Variants in HIVEP2 observed in about 807,000 individuals in gnomAD.
HIVEP2 encodes the protein transcription factor HIVEP2.
A neutral mutation model predicts 180.7 loss-of-function variants in HIVEP2; 14 were observed. That is an observed-to-expected ratio of 0.08 (90% CI 0.05 to 0.12). HIVEP2 has a LOEUF of 0.12. Among genes scored for constraint, HIVEP2 ranks in the 10% least tolerant of loss-of-function variants. The pLI is 1.00. For synonymous variants in HIVEP2, 1,184 were observed against 1,136.4 expected (o/e 1.04, Z -0.84); for missense variants, 2,579 against 3,008.5 (o/e 0.86, Z 3.34).
chr6:142,818,076 G>A (rs1469434521), intron 2 of HIVEP2, among the ~76,000 whole-genome samples: 2 of 151,862 alleles, frequency 1.3e-5, no homozygotes, highest in South Asian at 2.1e-4. Context: ...TGTGTATGAA[G>A]CATGTATTAT....
intron 1 of HIVEP2, among the ~76,000 whole-genome samples, chr6:142,841,395 G>A (rs1775358581): frequency 6.6e-6 from 1 of 152,034 alleles, no homozygotes; most frequent in Admixed American, 6.6e-5. Flanking sequence ...AGTATGATGT[G>A]ACTGGCATTG....
chr6:142,903,242 A>G (rs1408003535), intron 1 of HIVEP2, among the ~76,000 whole-genome samples: 1 of 152,266 alleles, frequency 6.6e-6, no homozygotes, highest in African/African-American at 2.4e-5. Context: ...CACAGAACAC[A>G]ACATTTTCAA....
chr6:142,794,773 T>C (rs890439343), intron 2 of HIVEP2, among the ~76,000 whole-genome samples: 1 of 152,190 alleles, frequency 6.6e-6, no homozygotes, highest in African/African-American at 2.4e-5. Flanking sequence ...GTTTTGTCTC[T>C]GTTGAACACC....
intron 1 of HIVEP2, among the ~76,000 whole-genome samples, chr6:142,899,902 G>A (rs980675755): frequency 8.5e-5 from 13 of 152,318 alleles, no homozygotes; most frequent in African/African-American, 9.6e-5. Flanking sequence ...ACCTAGTGGA[G>A]AGAATCACTG....
At chr6:142,817,515 T>C (rs918890363) in intron 2 of HIVEP2, among the ~76,000 whole-genome samples, 2 of 152,236 alleles carry the variant, frequency 1.3e-5, no homozygotes, top group Non-Finnish European at 2.9e-5. Flanking sequence ...TTATGTACTA[T>C]GCTGGACACA....
At chr6:142,847,745 T>C (rs1291002719) in intron 1 of HIVEP2, among the ~76,000 whole-genome samples, 1 of 152,232 alleles carries the variant, frequency 6.6e-6, no homozygotes, top group Non-Finnish European at 1.5e-5. Flanking sequence ...GTTTTGTTTG[T>C]TGTTCTTCAT....
intron 1 of HIVEP2, among the ~76,000 whole-genome samples, chr6:142,924,668 A>G (rs900065028): frequency 1.3e-5 from 2 of 152,230 alleles, no homozygotes; most frequent in African/African-American, 4.8e-5. Context: ...TATATGCCCA[A>G]AAGTAGATAT....
intron 1 of HIVEP2, among the ~76,000 whole-genome samples, chr6:142,849,721 G>A (rs746353426): frequency 4.6e-5 from 7 of 152,030 alleles, no homozygotes; most frequent in Non-Finnish European, 1.0e-4. Flanking sequence ...GTTTCACTAT[G>A]TTGCCCAGGC....
intron 2 of HIVEP2, among the ~76,000 whole-genome samples, chr6:142,818,455 T>G (rs903813159): frequency 7.9e-5 from 12 of 151,846 alleles, no homozygotes; most frequent in Non-Finnish European, 1.5e-4. Flanking sequence ...AGCGGGTGGA[T>G]CACTTGAGGT....
intron 1 of HIVEP2, among the ~76,000 whole-genome samples, chr6:142,919,233 C>T (rs949946180): frequency 6.6e-6 from 1 of 152,050 alleles, no homozygotes; most frequent in Non-Finnish European, 1.5e-5. Flanking sequence ...TTTAATGAAA[C>T]AGATTGAAAT....
chr6:142,851,152 A>C (rs1207345901), intron 1 of HIVEP2, among the ~76,000 whole-genome samples: 4 of 152,240 alleles, frequency 2.6e-5, no homozygotes, highest in Non-Finnish European at 5.9e-5. Flanking sequence ...GGTGAGAAGG[A>C]AAAGCAACAA....
chr6:142,939,856 T>C (rs2128441226), intron 1 of HIVEP2, among the ~76,000 whole-genome samples: 1 of 152,248 alleles, frequency 6.6e-6, no homozygotes, highest in South Asian at 2.1e-4. Flanking sequence ...TCACCTAAAT[T>C]GAATCTCCTA....
At chr6:142,818,605 G>C (rs1281779024) in intron 2 of HIVEP2, among the ~76,000 whole-genome samples, 2 of 150,964 alleles carry the variant, frequency 1.3e-5, no homozygotes, top group Non-Finnish European at 2.9e-5. Flanking sequence ...GGAGGTGGAG[G>C]ATGCAGTGAG....
rs1243472474 is a variant in HIVEP2, at chr6:142,816,880, G to A, written c.-528+20055C>T. Reference sequence around the variant, plus strand: ...TTTGTAATAGCACCAGAGGGTGTGTGTGTGTGTGTGTGTGTGTGTACATAT... The same window carrying A: ...TTTGTAATAGCACCAGAGGGTGTGTATGTGTGTGTGTGTGTGTGTACATAT... On this transcript the variant is annotated intron_variant, in intron 2 of 9. Transcript: ENST00000367603. Among the ~76,000 whole-genome samples, 4 of 114,924 alleles carry A rather than the reference G, an allele frequency of 3.5e-5. No homozygotes were observed. In the East Asian group the frequency reaches 8.4e-4, roughly 24 times the overall value. 75.4% of individuals were successfully genotyped at this position (114,924 alleles called of 152,430 possible).
chr6:142,779,412 G>C (rs1644082817), intron 3 of HIVEP2: 1 of 152,238 alleles, frequency 6.6e-6, no homozygotes, highest in Non-Finnish European at 1.5e-5. Context: ...TTGAGCTTAG[G>C]AGTTCGAGAC....
chr6:142,782,886 T>C (rs1021042218), intron 3 of HIVEP2, among the ~76,000 whole-genome samples: 1 of 152,236 alleles, frequency 6.6e-6, no homozygotes, highest in Non-Finnish European at 1.5e-5. Flanking sequence ...CCTTTTAAAA[T>C]AATTTTTTAA....
chr6:142,937,509 A>T (rs1182340383), intron 1 of HIVEP2, among the ~76,000 whole-genome samples: 2 of 152,142 alleles, frequency 1.3e-5, no homozygotes, highest in African/African-American at 4.8e-5. Flanking sequence ...AAATTCCCCC[A>T]GGTGGTGGTG....
At chr6:142,767,604 G>A (rs1225212596) in intron 6 of HIVEP2, among the ~76,000 whole-genome samples, 1 of 152,152 alleles carries the variant, frequency 6.6e-6, no homozygotes, top group African/African-American at 2.4e-5. Flanking sequence ...TGGTTAGCAC[G>A]CTTCAAAATT....
chr6:142,826,648 C>T (rs745623969), intron 2 of HIVEP2, among the ~76,000 whole-genome samples: 4 of 152,162 alleles, frequency 2.6e-5, no homozygotes, highest in Non-Finnish European at 5.9e-5. Flanking sequence ...TTTTCAGAAG[C>T]TCTGAGAATT....
Sources: allele counts gnomAD v4.1 joint callset (sites outside exome capture counted in the v4.1 genomes callset), GRCh38; gene constraint gnomAD v4.1.1; transcripts MANE v1.5; gene names NCBI Gene and HGNC (gene_info 2026-07-23, HGNC 2026-07-21).